ARRDC2: variants seen among roughly 807,000 people sequenced by gnomAD.
The protein encoded by ARRDC2 is arrestin domain containing 2, also known as arrestin domain-containing protein 2.
ARRDC2 carries 39 observed loss-of-function variants against 38.9 expected under a neutral mutation model. That is an observed-to-expected ratio of 1.00 (90% confidence interval 0.78 to 1.31). ARRDC2 has a LOEUF of 1.31. Ranked by LOEUF, ARRDC2 falls within the 50% of genes most tolerant of loss-of-function variation. The probability of loss-of-function intolerance (pLI) is 0.00; values close to 1 mark genes in which losing one functional copy is unlikely to be tolerated. For synonymous variants in ARRDC2, 300 were observed against 261.9 expected, an observed-to-expected ratio of 1.15 and a Z score of -1.41; for missense variants, 553 against 588.4, an observed-to-expected ratio of 0.94 and a Z score of 0.62.
chr19:18,010,679 T>C lies in ARRDC2; in HGVS notation c.1120T>C (p.Phe374Leu). The C allele has an allele frequency of 6.2e-7, 1 of 1,613,890 alleles. No homozygotes were observed. The highest frequency in any genetic ancestry group is 8.5e-7 in the Non-Finnish European group (1 of 1,180,008). ...DPDMSLEGPF[F>L]AYIQEFRYRP... ...CGACATGAGCCTTGAAGGCCCGTTC[T>C]TCGCCTACATCCAAGAGTTCCGCTA... The change falls in exon 7 of 8, where the codon TTC (phenylalanine) becomes CTC (leucine). Residue 374 changes from phenylalanine (F) to leucine (L), a missense_variant. Physicochemically the swap from Phe to Leu is conservative, Grantham distance 22. This residue lies in a region of ARRDC2 where 100 missense variants were observed against 107.6 expected (regional missense o/e 0.93). Coordinates refer to ENST00000222250, the MANE Select transcript of ARRDC2 (RefSeq NM_015683.2).
At chr19:18,011,447 ATTG>A (rs1322921972) in intron 7 of ARRDC2, among the ~76,000 whole-genome samples, 1 of 152,176 alleles carries the variant, frequency 6.6e-6, no homozygotes, top group Non-Finnish European at 1.5e-5. Flanking sequence ...GAGGATTTTA[ATTG>A]TTGACAGAAT....
chr19:18,006,069 G>A (rs2033270985), upstream of ARRDC2, among the ~76,000 whole-genome samples: 1 of 151,912 alleles, frequency 6.6e-6, no homozygotes. Flanking sequence ...TAGATGGGAT[G>A]GCGGCCGGGA....
Position 18,009,642 on chromosome 19 carries a change from C to G in ARRDC2, c.540C>G (p.Asn180Lys). 6.2e-7 allele frequency: 1 copy of G among 1,611,176 alleles called. No homozygotes were observed. The highest frequency in any genetic ancestry group is 1.1e-5 in the South Asian group (1 of 91,006). The stretch of plus-strand genomic sequence containing the variant: ...AGGTTGCCCGATCCTGGTACTGTAA[C>G]CGTGGCCTAGTCTCCCTTTCGGCCA... The part of the protein sequence containing the change: ...REKVARSWYC[N>K]RGLVSLSAKI... Residue 180 changes from asparagine to lysine, a missense_variant, in exon 4 of 8, where the codon AAC (asparagine) becomes AAG (lysine). By Grantham distance (94) the Asn-to-Lys change is moderately conservative (BLOSUM62 0). Coordinates refer to ENST00000222250, the MANE Select transcript of ARRDC2 (RefSeq NM_015683.2).
At position 18,008,264 on chromosome 19, in the gene ARRDC2, A is replaced by T. The variant is rs754636942; in HGVS notation, c.-47A>T. ...CGGCATCTTGAGCTGCCGGTTCGCG[A>T]GTTCGAGGCCAGGTTCCGCCTGTCG... On this transcript the variant is annotated 5_prime_UTR_variant, in exon 1 of 8. Transcript: ENST00000222250. The T allele has an allele frequency of 6.4e-7, 1 of 1,566,748 alleles. No homozygotes were observed. The highest frequency in any genetic ancestry group is 1.8e-5 in the Admixed American group (1 of 54,364).
intron 1 of ARRDC2, among the ~76,000 whole-genome samples, chr19:18,001,918 C>A (rs1275897109): frequency 6.6e-6 from 1 of 152,120 alleles, no homozygotes; most frequent in East Asian, 1.9e-4. Flanking sequence ...AGCCTGGACA[C>A]CCACCCCGCC....
At chr19:18,012,810 C>A in intron 7 of ARRDC2, 103 bp from the exon 8 acceptor site, 2 of 1,266,322 alleles carry the variant, frequency 1.6e-6, no homozygotes, top group Admixed American at 1.9e-5. Context: ...ATGGCCTCAT[C>A]CCTGGTCAAG....
chr19:18,007,879 G>A, upstream of ARRDC2: 1 of 254,828 alleles, frequency 3.9e-6, no homozygotes, highest in Non-Finnish European at 7.7e-6. Context: ...GGCTCTGCTA[G>A]GTGACCTCAG....
intron 5 of ARRDC2, 24 bp from the exon 6 acceptor site, chr19:18,010,172 C>G: frequency 6.2e-7 from 1 of 1,609,290 alleles, no homozygotes; most frequent in Non-Finnish European, 8.5e-7. Context: ...CCTGGGCACC[C>G]TCCCTTATGG....
exon 1 of ARRDC2, chr19:18,001,160 C>T (rs572728276): frequency 3.6e-6 from 3 of 832,566 alleles, no homozygotes; most frequent in South Asian, 5.9e-5. Flanking sequence ...ACGCGCCCGC[C>T]CTGGGCCACC....
intron 4 of ARRDC2, 42 bp from the exon 5 acceptor site, chr19:18,009,741 T>A (rs1410618334): frequency 3.1e-6 from 5 of 1,612,562 alleles, no homozygotes; most frequent in Non-Finnish European, 4.2e-6. Context: ...GGTGTTGGGG[T>A]TGCAGGAGGG....
chr19:18,008,227 A>T lies in ARRDC2; in HGVS notation c.-84A>T. The T allele has an allele frequency of 2.7e-6, 4 of 1,465,356 alleles. No homozygotes were observed. Among genetic ancestry groups the T allele is most frequent in the Non-Finnish European group, 3.6e-6 (4 of 1,109,738 alleles). The allele number at this position is 1,465,356 out of a possible 1,614,324, so 90.8% of individuals were successfully genotyped here. ...GCGTTGACGGCGATTTTGCGTTCTG[A>T]GGCTGCAGCGTCGGCATCTTGAGCT... On this transcript the variant is annotated 5_prime_UTR_variant, in exon 1 of 8. Transcript: ENST00000222250.
At position 18,009,060 on chromosome 19, in the gene ARRDC2, G is replaced by C. The variant is rs201158191; in HGVS notation, c.431G>C (p.Arg144Pro). 1 of 1,613,540 alleles carries C rather than the reference G, an allele frequency of 6.2e-7. No individual in the cohort carries two copies. Among genetic ancestry groups the C allele is most frequent in the Non-Finnish European group, 8.5e-7 (1 of 1,179,996 alleles). ...CACCGGCCCTGGGTCCCAGCACGCC[G>C]GGCAAGGAAGGTGTTCACTGTCATC... is the stretch of plus-strand genomic sequence containing the variant. Reference protein sequence around the residue: ...TLHRPWVPARRARKVFTVIEP... With the variant: ...TLHRPWVPARPARKVFTVIEP... Residue 144 changes from arginine (R) to proline (P), a missense_variant, in exon 3 of 8, where the codon CGG (arginine) becomes CCG (proline). By Grantham distance (103) the Arg-to-Pro change is moderately radical. Transcript: ENST00000222250.
chr19:18,005,662 G>A (rs1231610353), upstream of ARRDC2, among the ~76,000 whole-genome samples: 1 of 150,436 alleles, frequency 6.6e-6, no homozygotes, highest in Non-Finnish European at 1.5e-5. Flanking sequence ...GGCTGGCCGG[G>A]CAGGGGGCTG....
intron 7 of ARRDC2, 93 bp from the exon 8 acceptor site, chr19:18,012,820 G>A (rs531933387): frequency 7.4e-7 from 1 of 1,353,274 alleles, no homozygotes; most frequent in Non-Finnish European, 1.0e-6. Flanking sequence ...CCCTGGTCAA[G>A]GGCGGGAGTT....
intron 7 of ARRDC2, among the ~76,000 whole-genome samples, chr19:18,012,342 T>G (rs74983116): frequency 6.6e-6 from 1 of 151,752 alleles, no homozygotes; most frequent in Non-Finnish European, 1.5e-5. Context: ...ATCCCAGCAC[T>G]TTGGGAGGCT....
chr19:18,008,704 C>G lies in ARRDC2; in HGVS notation c.275-7C>G. ...GCTCAGTCGCCTCCTTTTTCTCCTA[C>G]CTGCAGATACCGGGGAGACCACGAC... On this transcript the variant is annotated splice_polypyrimidine_tract_variant and splice_region_variant and intron_variant, in intron 1 of 7. Transcript: ENST00000222250. The G allele has an allele frequency of 6.2e-7, 1 of 1,612,998 alleles. No individual in the cohort carries two copies. Among genetic ancestry groups the G allele is most frequent in the Non-Finnish European group, 8.5e-7 (1 of 1,179,966 alleles).
chr19:18,008,234 A>T lies in ARRDC2; in HGVS notation c.-77A>T. 6.5e-7 allele frequency: 1 copy of T among 1,537,490 alleles called. No homozygotes were observed. Among genetic ancestry groups the T allele is most frequent in the Non-Finnish European group, 8.7e-7 (1 of 1,153,638 alleles). On this transcript the variant is annotated 5_prime_UTR_variant, in exon 1 of 8. Transcript: ENST00000222250. Reference sequence around the variant, plus strand: ...CGGCGATTTTGCGTTCTGAGGCTGCAGCGTCGGCATCTTGAGCTGCCGGTT... The same window carrying T: ...CGGCGATTTTGCGTTCTGAGGCTGCTGCGTCGGCATCTTGAGCTGCCGGTT...
chr19:18,002,887 G>T (rs1472180746), intron 1 of ARRDC2, among the ~76,000 whole-genome samples: 3 of 152,088 alleles, frequency 2.0e-5, no homozygotes, highest in African/African-American at 7.2e-5. Flanking sequence ...CAGATCACCT[G>T]AGGTCAGGAG....
At chr19:18,003,276 T>C (rs745852765), upstream of ARRDC2, among the ~76,000 whole-genome samples, 12 of 152,004 alleles carry the variant, frequency 7.9e-5, no homozygotes, top group Admixed American at 6.6e-4. Context: ...TGTGTTTGTT[T>C]TTGTTTTTGA....
Sources: gnomAD v4.1 joint callset for allele counts (sites outside exome capture counted in the v4.1 genomes callset) on GRCh38, gnomAD v4.1.1 for gene constraint, gnomAD v4.1.1 regional missense constraint, MANE v1.5 for transcripts, NCBI Gene and HGNC (gene_info 2026-07-23, HGNC 2026-07-21) for gene names.